Variants in ROBO2 observed in about 807,000 individuals in gnomAD.
The protein encoded by ROBO2 is roundabout guidance receptor 2, also known as roundabout homolog 2.
ROBO2 carries 53 observed loss-of-function variants against 160.8 expected under a neutral mutation model. The ratio of observed to expected loss-of-function variants is 0.33; its 90% CI spans 0.26 to 0.41. The LOEUF (loss-of-function observed/expected upper bound fraction) is 0.41. Among genes scored for constraint, ROBO2 ranks in the 10% least tolerant of loss-of-function variants. ROBO2 has a pLI of 1.00. For missense variants in ROBO2, 1,577 were observed against 1,722.4 expected, an observed-to-expected ratio of 0.92 and a Z score of 1.49; for synonymous variants, 664 against 611.7, an observed-to-expected ratio of 1.09 and a Z score of -1.26.
At chr3:76,523,020 TA>T (rs1248668821) in intron 2 of ROBO2, among the ~76,000 whole-genome samples, 1 of 148,124 alleles carries the variant, frequency 6.8e-6, no homozygotes, top group East Asian at 1.9e-4. Flanking sequence ...ATATATAATA[TA>T]TTTTATATAT....
At chr3:76,620,847 C>T (rs1249524510) in intron 2 of ROBO2, among the ~76,000 whole-genome samples, 3 of 152,268 alleles carry the variant, frequency 2.0e-5, no homozygotes, top group Admixed American at 6.5e-5. Context: ...AAAATACTCT[C>T]TAACTATTGG....
intron 2 of ROBO2, among the ~76,000 whole-genome samples, chr3:76,223,732 G>A (rs1432283056): frequency 6.6e-6 from 1 of 152,126 alleles, no homozygotes; most frequent in African/African-American, 2.4e-5. Context: ...CTCTCACTCA[G>A]GGCACACTTA....
intron 2 of ROBO2, among the ~76,000 whole-genome samples, chr3:77,352,499 A>G (rs1364099857): frequency 6.6e-6 from 1 of 152,174 alleles, no homozygotes; most frequent in African/African-American, 2.4e-5. Flanking sequence ...AGTCAATGAC[A>G]TCCTGATGGG....
At chr3:77,565,628 GC>G (rs1403356417) in intron 12 of ROBO2, among the ~76,000 whole-genome samples, 1 of 151,994 alleles carries the variant, frequency 6.6e-6, no homozygotes, top group Non-Finnish European at 1.5e-5. Flanking sequence ...TGAGGTTGGG[GC>G]CCAGTGTTTG....
chr3:77,248,589 G>GTGCTGCCAGCACCCAAA (rs2089996629), intron 2 of ROBO2, among the ~76,000 whole-genome samples: 1 of 152,160 alleles, frequency 6.6e-6, no homozygotes, highest in African/African-American at 2.4e-5. Context: ...AGCACCCAAA[G>GTGCTGCCAGCACCCAAA]GTGCTCACCC....
intron 2 of ROBO2, among the ~76,000 whole-genome samples, chr3:76,769,917 A>G (rs1560530171): frequency 6.6e-6 from 1 of 151,422 alleles, no homozygotes; most frequent in Non-Finnish European, 1.5e-5. Flanking sequence ...TGTGTTCTGC[A>G]TTCCTGCAGT....
chr3:77,016,595 T>C (rs1159043821), intron 2 of ROBO2, among the ~76,000 whole-genome samples: 3 of 152,192 alleles, frequency 2.0e-5, no homozygotes, highest in Non-Finnish European at 4.4e-5. Flanking sequence ...ATTTGAACTC[T>C]TTAATCTACA....
intron 24 of ROBO2, among the ~76,000 whole-genome samples, chr3:77,640,779 AT>A (rs1190435721): frequency 1.3e-5 from 2 of 152,206 alleles, no homozygotes; most frequent in African/African-American, 4.8e-5. Flanking sequence ...TCAAAAAACC[AT>A]TCTTAATCCC....
In ROBO2 at chr3:77,433,497, T is replaced by C. The variant is rs1386913895; in HGVS notation, c.389-43917T>C. Among the ~76,000 whole-genome samples, 28 of 109,626 alleles carry C rather than the reference T, an allele frequency of 2.6e-4. 2 individuals carry two copies. The highest frequency in any genetic ancestry group is 8.1e-4 in the South Asian group (3 of 3,722). The allele number at this position is 109,626 out of a possible 152,430, so 71.9% of individuals were successfully genotyped here. A position where few individuals can be genotyped will look rare whatever the true frequency, so the allele number is the denominator to read the frequency against. ...TTCTCTGGCAACTTGTATATATATA[T>C]ATATATATATATATATATATATTTC... is the stretch of plus-strand genomic sequence containing the variant. On this transcript the variant is annotated intron_variant, in intron 2 of 25. Coordinates refer to ENST00000461745, the Ensembl canonical transcript of ROBO2.
chr3:77,231,248 A>C (rs1173189979), intron 2 of ROBO2, among the ~76,000 whole-genome samples: 1 of 151,422 alleles, frequency 6.6e-6, no homozygotes, highest in Non-Finnish European at 1.5e-5. Context: ...CTGTAATTCC[A>C]GCTACTCTGG....
intron 2 of ROBO2, among the ~76,000 whole-genome samples, chr3:77,374,985 G>A (rs1050385923): frequency 6.6e-6 from 1 of 152,204 alleles, no homozygotes; most frequent in Non-Finnish European, 1.5e-5. Flanking sequence ...GAAGTGAGAG[G>A]ATTGCTTGAG....
At chr3:76,350,926 G>A (rs906076679) in intron 2 of ROBO2, among the ~76,000 whole-genome samples, 4 of 151,762 alleles carry the variant, frequency 2.6e-5, no homozygotes, top group South Asian at 2.1e-4. Flanking sequence ...AAAGACAATC[G>A]GGACACATAA....
At chr3:77,369,672 A>C (rs763469710) in intron 2 of ROBO2, among the ~76,000 whole-genome samples, 13 of 152,152 alleles carry the variant, frequency 8.5e-5, no homozygotes, top group Non-Finnish European at 1.3e-4. Context: ...TGGACTCTTG[A>C]TGTTGATTCC....
chr3:77,522,296 C>A (rs1181844518), intron 5 of ROBO2, among the ~76,000 whole-genome samples: 1 of 151,160 alleles, frequency 6.6e-6, no homozygotes. Flanking sequence ...ATTCTTTTAA[C>A]TAATGCCCAT....
At chr3:76,997,681 C>G (rs143526385) in intron 2 of ROBO2, among the ~76,000 whole-genome samples, 3 of 152,168 alleles carry the variant, frequency 2.0e-5, no homozygotes, top group Non-Finnish European at 4.4e-5. Flanking sequence ...ATAAGTTGAG[C>G]TTCTGATGTC....
chr3:75,976,352 T>TAA (rs1330518476), intron 2 of ROBO2, among the ~76,000 whole-genome samples: 22 of 151,568 alleles, frequency 1.5e-4, no homozygotes, highest in Admixed American at 1.1e-3. Flanking sequence ...ATTCATGCAA[T>TAA]GTAATACTAT....
At chr3:76,651,496 A>G (rs2091255825) in intron 2 of ROBO2, among the ~76,000 whole-genome samples, 1 of 152,096 alleles carries the variant, frequency 6.6e-6, no homozygotes, top group South Asian at 2.1e-4. Context: ...GAATTATCTT[A>G]AGTTTATTAT....
chr3:77,125,995 G>T (rs548517774), intron 2 of ROBO2, among the ~76,000 whole-genome samples: 1 of 152,230 alleles, frequency 6.6e-6, no homozygotes, highest in East Asian at 1.9e-4. Context: ...CATTTATTCA[G>T]CTCCCAGCGA....
At chr3:76,687,716 G>C (rs2092715221) in intron 2 of ROBO2, among the ~76,000 whole-genome samples, 1 of 151,880 alleles carries the variant, frequency 6.6e-6, no homozygotes, top group Non-Finnish European at 1.5e-5. Context: ...CACAAGTTTT[G>C]GCAACACAAC....
Sources: allele counts gnomAD v4.1 joint callset (sites outside exome capture counted in the v4.1 genomes callset), GRCh38; gene constraint gnomAD v4.1.1; transcripts MANE v1.5; gene names NCBI Gene and HGNC (gene_info 2026-07-23, HGNC 2026-07-21).